Variants in L3MBTL3 observed in about 807,000 individuals in gnomAD.
L3MBTL3 encodes lethal(3)malignant brain tumor-like protein 3.
L3MBTL3 carries 27 observed loss-of-function variants against 102.3 expected under a neutral mutation model. The observed-to-expected ratio is 0.26, with a 90% CI of 0.19 to 0.36. The LOEUF (loss-of-function observed/expected upper bound fraction) is 0.36. L3MBTL3 is among the 10% of genes least tolerant of loss of function. The pLI is 1.00. For missense variants in L3MBTL3, 798 were observed against 955.3 expected (o/e 0.84, Z 2.17); for synonymous variants, 340 against 320.9 (o/e 1.06, Z -0.64).
At chr6:130,087,495 C>T (rs958102946) in intron 16 of L3MBTL3, among the ~76,000 whole-genome samples, 7 of 152,016 alleles carry the variant, frequency 4.6e-5, no homozygotes, top group Non-Finnish European at 8.8e-5. Context: ...AATATTGGTT[C>T]GACTGCATGA....
Position 130,071,008 on chromosome 6 carries a change from G to A in L3MBTL3, c.1125G>A (p.Met375Ile). Residue 375 changes from methionine to isoleucine, a missense_variant, in exon 13 of 23, where the codon ATG (methionine) becomes ATA (isoleucine). Coordinates refer to ENST00000361794, the MANE Select transcript of L3MBTL3 (RefSeq NM_032438.4). Reference sequence around the variant, plus strand: ...TCCCATCGGGCTTTCGAGTTGGTATGAAGCTTGAGGCAGTAGACAAAAAGA... The same window carrying A: ...TCCCATCGGGCTTTCGAGTTGGTATAAAGCTTGAGGCAGTAGACAAAAAGA... Reference protein sequence around the residue: ...TVIPSGFRVGMKLEAVDKKNP... With the variant: ...TVIPSGFRVGIKLEAVDKKNP... 1 of 1,613,366 alleles carries A rather than the reference G, an allele frequency of 6.2e-7. No homozygotes were observed. Among genetic ancestry groups the A allele is most frequent in the South Asian group, 1.1e-5 (1 of 91,040 alleles).
chr6:130,127,732 T>G (rs529825064), intron 20 of L3MBTL3, among the ~76,000 whole-genome samples: 1 of 152,250 alleles, frequency 6.6e-6, no homozygotes, highest in Admixed American at 6.5e-5. Context: ...TGATGTTGTT[T>G]TAATGATATA....
At chr6:130,071,867 A>G (rs1782658001) in intron 13 of L3MBTL3, among the ~76,000 whole-genome samples, 1 of 152,200 alleles carries the variant, frequency 6.6e-6, no homozygotes, top group Admixed American at 6.5e-5. Context: ...CAGTAGACAC[A>G]TTGATAATTT....
intron 20 of L3MBTL3, among the ~76,000 whole-genome samples, chr6:130,127,327 G>A (rs1042692970): frequency 6.6e-6 from 1 of 152,154 alleles, no homozygotes; most frequent in African/African-American, 2.4e-5. Context: ...AGAGACCAGG[G>A]CATGGGGGAA....
chr6:130,093,383 A>G (rs1044540445), intron 17 of L3MBTL3, among the ~76,000 whole-genome samples: 3 of 152,198 alleles, frequency 2.0e-5, no homozygotes, highest in South Asian at 2.1e-4. Flanking sequence ...AGTAAAATGT[A>G]TACATTATAC....
In L3MBTL3 at chr6:130,133,647, G is replaced by A. The variant is rs750037708; in HGVS notation, c.2136+26G>A. 42 of 1,609,522 alleles carry A rather than the reference G, an allele frequency of 2.6e-5. No individual in the cohort carries two copies. The Admixed American group carries it at 3.5e-4, about 13-fold the overall frequency. On this transcript the variant is annotated intron_variant, in intron 21 of 22. Transcript: ENST00000361794. The surrounding 1 kb of genome is among the most constrained non-coding windows in gnomAD (Gnocchi z 4.9). Reference sequence around the variant, plus strand: ...GTATATTTTATTTTCTTTGCTGCCCGACACCAGATACAGGATTACTGGCTT... The same window carrying A: ...GTATATTTTATTTTCTTTGCTGCCCAACACCAGATACAGGATTACTGGCTT...
intron 2 of L3MBTL3, among the ~76,000 whole-genome samples, chr6:130,033,496 G>A (rs1304399793): frequency 6.6e-6 from 1 of 152,176 alleles, no homozygotes; most frequent in Non-Finnish European, 1.5e-5. Flanking sequence ...CTTCTGCATA[G>A]TTGTCATTTT....
chr6:130,095,776 A>G (rs1428413603), intron 18 of L3MBTL3, among the ~76,000 whole-genome samples: 2 of 152,168 alleles, frequency 1.3e-5, no homozygotes, highest in Admixed American at 6.5e-5. Flanking sequence ...GCAAGAGAGC[A>G]TGTGTGAGAG....
chr6:130,080,784 G>A (rs947461190), intron 14 of L3MBTL3, among the ~76,000 whole-genome samples: 1 of 152,138 alleles, frequency 6.6e-6, no homozygotes, highest in African/African-American at 2.4e-5. Context: ...TAAATTTTAT[G>A]TTATGTATAT....
intron 10 of L3MBTL3, among the ~76,000 whole-genome samples, chr6:130,065,871 T>C (rs1464036197): frequency 6.6e-6 from 1 of 152,102 alleles, no homozygotes; most frequent in Non-Finnish European, 1.5e-5. Flanking sequence ...GAGAGACGCT[T>C]TTCTTTCTTT....
At chr6:130,087,964 C>G (rs1783795584) in intron 16 of L3MBTL3, among the ~76,000 whole-genome samples, 1 of 151,768 alleles carries the variant, frequency 6.6e-6, no homozygotes, top group Admixed American at 6.6e-5. Context: ...TGTTTAGTTT[C>G]TGGAATATAT....
chr6:130,053,362 G>A (rs1195004811), intron 7 of L3MBTL3, among the ~76,000 whole-genome samples: 1 of 152,290 alleles, frequency 6.6e-6, no homozygotes, highest in Non-Finnish European at 1.5e-5. Flanking sequence ...TGGGCTGGGC[G>A]TGGTGGCTCA....
chr6:130,065,953 T>G (rs1036894744), intron 10 of L3MBTL3, among the ~76,000 whole-genome samples: 6 of 152,266 alleles, frequency 3.9e-5, no homozygotes, highest in African/African-American at 1.4e-4. Flanking sequence ...GTCTGCAGCC[T>G]TCAGTGCAGG....
At chr6:130,029,084 A>G (rs879574327) in intron 2 of L3MBTL3, among the ~76,000 whole-genome samples, 6 of 152,228 alleles carry the variant, frequency 3.9e-5, no homozygotes, top group Admixed American at 3.9e-4. Flanking sequence ...CATAAGAGAT[A>G]ACAAAATGGG....
At chr6:130,121,924 T>C (rs1786241382) in intron 20 of L3MBTL3, among the ~76,000 whole-genome samples, 1 of 152,124 alleles carries the variant, frequency 6.6e-6, no homozygotes. Flanking sequence ...CACATGCCTG[T>C]AGTCCCAGCT....
At chr6:130,067,778 A>G (rs1048163300) in intron 11 of L3MBTL3, among the ~76,000 whole-genome samples, 3 of 152,220 alleles carry the variant, frequency 2.0e-5, no homozygotes, top group African/African-American at 7.2e-5. Context: ...TTTAAAGGAA[A>G]TGTTAACTTC....
chr6:130,114,287 A>G (rs1785528734), intron 19 of L3MBTL3, among the ~76,000 whole-genome samples: 1 of 152,152 alleles, frequency 6.6e-6, no homozygotes, highest in Non-Finnish European at 1.5e-5. Flanking sequence ...TGTTATTGCT[A>G]TATGCCTGTG....
At chr6:130,027,123 G>T (rs1001550495) in intron 2 of L3MBTL3, among the ~76,000 whole-genome samples, 1 of 152,146 alleles carries the variant, frequency 6.6e-6, no homozygotes, top group East Asian at 1.9e-4. Flanking sequence ...GGGTGGTTTT[G>T]TATTGCAATG....
intron 18 of L3MBTL3, among the ~76,000 whole-genome samples, chr6:130,097,451 G>C (rs958685286): frequency 6.6e-6 from 1 of 152,120 alleles, no homozygotes; most frequent in Non-Finnish European, 1.5e-5. Flanking sequence ...TTTGACTAGC[G>C]TTTGTTGTTA....
Sources: allele counts gnomAD v4.1 joint callset (sites outside exome capture counted in the v4.1 genomes callset), GRCh38; gene constraint gnomAD v4.1.1; non-coding constraint Gnocchi (gnomAD v3.1); transcripts MANE v1.5; gene names NCBI Gene and HGNC (gene_info 2026-07-23, HGNC 2026-07-21).